The following IMMP2L variants were observed in gnomAD, a reference collection of about 807,000 sequenced individuals.
The protein encoded by IMMP2L is inner mitochondrial membrane peptidase subunit 2.
Under a neutral mutation model 19.3 loss-of-function variants are expected in IMMP2L, and 18 were observed. The ratio of observed to expected loss-of-function variants is 0.93; its 90% confidence interval spans 0.64 to 1.38. The LOEUF is 1.38. IMMP2L is among the 40% of genes most tolerant of loss of function. The pLI, the probability that IMMP2L is intolerant of heterozygous loss-of-function variation, is 0.00. For synonymous variants in IMMP2L, 76 were observed against 73.0 expected (o/e 1.04, Z -0.21); for missense variants, 233 against 218.2 (o/e 1.07, Z -0.43).
rs182470929 is a variant in IMMP2L at position 111,023,400 on chromosome 7, A to G, written c.240-59835T>C. On this transcript the variant is annotated intron_variant, in intron 3 of 5. Transcript: ENST00000405709. Reference sequence around the variant, plus strand: ...CTCAAAATGCTCCTTTCAAACAAATATAAATTTATAAGTTTATGGGCTGGG... The same window carrying G: ...CTCAAAATGCTCCTTTCAAACAAATGTAAATTTATAAGTTTATGGGCTGGG... Among the ~76,000 whole-genome samples the G allele has an allele frequency of 2.6e-5, 4 of 152,278 alleles. No individual in the cohort carries two copies. In the East Asian group the frequency reaches 7.7e-4, roughly 29 times the overall value.
intron 3 of IMMP2L, among the ~76,000 whole-genome samples, chr7:111,217,126 T>TCTCTCTCACACACACACA (rs1472700586): frequency 1.0e-3 from 126 of 124,054 alleles, no homozygotes; most frequent in African/African-American, 3.9e-3. Context: ...TCTCTCTCTC[T>TCTCTCTCACACACACACA]CACACACACA....
At chr7:110,768,144 C>T (rs1308919386) in intron 5 of IMMP2L, among the ~76,000 whole-genome samples, 3 of 151,962 alleles carry the variant, frequency 2.0e-5, no homozygotes, top group African/African-American at 4.8e-5. Context: ...TGGGATGCTG[C>T]TTTAATTCTA....
intron 3 of IMMP2L, among the ~76,000 whole-genome samples, chr7:111,038,521 G>A (rs185112082): frequency 5.9e-5 from 9 of 152,210 alleles, no homozygotes; most frequent in Admixed American, 4.6e-4. Context: ...GATCCTGAAC[G>A]GTATGCACTG....
intron 3 of IMMP2L, among the ~76,000 whole-genome samples, chr7:111,221,311 T>C (rs1379540558): frequency 6.6e-6 from 1 of 152,100 alleles, no homozygotes; most frequent in Admixed American, 6.6e-5. Flanking sequence ...ACAAGACTAC[T>C]TGAAAAATTT....
intron 5 of IMMP2L, among the ~76,000 whole-genome samples, chr7:110,742,522 A>G (rs1797051417): frequency 2.0e-5 from 3 of 152,290 alleles, no homozygotes; most frequent in African/African-American, 7.2e-5. Flanking sequence ...TAATTCCAGC[A>G]CTTTGGGAAA....
intron 5 of IMMP2L, among the ~76,000 whole-genome samples, chr7:110,833,854 C>G (rs889285402): frequency 2.1e-4 from 32 of 152,158 alleles, no homozygotes; most frequent in African/African-American, 7.7e-4. Context: ...ATGGGGCAAA[C>G]ACAAGCTGTA....
chr7:110,872,744 G>A (rs915607677), intron 5 of IMMP2L, among the ~76,000 whole-genome samples: 4 of 152,112 alleles, frequency 2.6e-5, no homozygotes, highest in Admixed American at 2.6e-4. Context: ...ATAGCTAATT[G>A]GTGCAGGACT....
chr7:111,479,547 A>T (rs1297397093), intron 3 of IMMP2L, among the ~76,000 whole-genome samples: 8 of 152,138 alleles, frequency 5.3e-5, no homozygotes, highest in African/African-American at 1.9e-4. Flanking sequence ...CTTGAAACCT[A>T]AACTGTTCAC....
At chr7:110,820,495 C>T (rs1164586772) in intron 5 of IMMP2L, among the ~76,000 whole-genome samples, 2 of 151,812 alleles carry the variant, frequency 1.3e-5, no homozygotes, top group Non-Finnish European at 2.9e-5. Context: ...GGGTGGTCTG[C>T]AACTGCAACA....
intron 3 of IMMP2L, among the ~76,000 whole-genome samples, chr7:111,115,825 C>T (rs1799816321): frequency 6.6e-6 from 1 of 151,858 alleles, no homozygotes; most frequent in Non-Finnish European, 1.5e-5. Flanking sequence ...GCACCACCAA[C>T]TCTAGCACAC....
intron 3 of IMMP2L, among the ~76,000 whole-genome samples, chr7:111,299,649 A>G (rs2129945105): frequency 6.6e-6 from 1 of 152,046 alleles, no homozygotes; most frequent in South Asian, 2.1e-4. Context: ...AAAATAAAAT[A>G]TTAAACTTAT....
intron 1 of IMMP2L, among the ~76,000 whole-genome samples, chr7:111,533,368 G>C (rs1482750050): frequency 6.6e-6 from 1 of 152,136 alleles, no homozygotes; most frequent in African/African-American, 2.4e-5. Flanking sequence ...ACTGTGGCTA[G>C]AGTTGAAATC....
intron 1 of IMMP2L, among the ~76,000 whole-genome samples, chr7:111,547,205 C>G (rs1334968251): frequency 1.3e-5 from 2 of 152,256 alleles, no homozygotes; most frequent in East Asian, 1.9e-4. Context: ...CAAATATACT[C>G]TTATTTATTC....
At chr7:111,157,015 C>T (rs1206629934) in intron 3 of IMMP2L, among the ~76,000 whole-genome samples, 2 of 151,926 alleles carry the variant, frequency 1.3e-5, no homozygotes, top group Non-Finnish European at 2.9e-5. Flanking sequence ...AAATCAAAAC[C>T]ACAATGAGAT....
chr7:110,713,040 G>C (rs1164609737), intron 5 of IMMP2L, among the ~76,000 whole-genome samples: 1 of 152,182 alleles, frequency 6.6e-6, no homozygotes, highest in African/African-American at 2.4e-5. Flanking sequence ...GACTCTTGTA[G>C]ATAACCTACA....
Position 111,559,268 on chromosome 7 carries a change from C to A in IMMP2L, c.-3+2583G>T, listed in dbSNP as rs552217208. ...AGAGCAGTATCAGATATACTAAATACACAGCTAAGCTGTATATTAAATCCA... is the reference window on the plus strand; with the variant it reads ...AGAGCAGTATCAGATATACTAAATAAACAGCTAAGCTGTATATTAAATCCA... On this transcript the variant is annotated intron_variant, in intron 1 of 5. Transcript: ENST00000405709. 2.0e-5 allele frequency among the ~76,000 whole-genome samples: 3 copies of A among 152,262 alleles called. No homozygotes were observed. In the South Asian group the frequency reaches 6.2e-4, roughly 32 times the overall value.
chr7:111,346,555 G>A (rs1289433173), intron 3 of IMMP2L, among the ~76,000 whole-genome samples: 3 of 152,088 alleles, frequency 2.0e-5, no homozygotes, highest in Non-Finnish European at 4.4e-5. Flanking sequence ...CAGGCCCACT[G>A]AGTTTTTTAA....
intron 3 of IMMP2L, chr7:111,390,683 T>C (rs1234541549): frequency 6.6e-6 from 1 of 152,164 alleles, no homozygotes; most frequent in African/African-American, 2.4e-5. Flanking sequence ...CATTAGCTCC[T>C]GCTGCTTGTT....
intron 3 of IMMP2L, among the ~76,000 whole-genome samples, chr7:111,325,026 A>C (rs914983471): frequency 6.6e-6 from 1 of 151,792 alleles, no homozygotes; most frequent in African/African-American, 2.4e-5. Context: ...CAATTCACTG[A>C]CATAATTGTG....
Sources: allele counts gnomAD v4.1 joint callset (sites outside exome capture counted in the v4.1 genomes callset), GRCh38; gene constraint gnomAD v4.1.1; transcripts MANE v1.5; gene names NCBI Gene and HGNC (gene_info 2026-07-23, HGNC 2026-07-21).